Variants in CACNA2D3 observed in about 807,000 individuals in gnomAD.
The protein encoded by CACNA2D3 is voltage-dependent calcium channel subunit alpha-2/delta-3.
A neutral mutation model predicts 160.6 loss-of-function variants in CACNA2D3; 60 were observed. That is an observed-to-expected ratio of 0.37 (90% confidence interval 0.30 to 0.46). The LOEUF (loss-of-function observed/expected upper bound fraction) is 0.46. CACNA2D3 is among the 20% of genes least tolerant of loss of function. The pLI is 1.00. For missense variants in CACNA2D3, 1,205 were observed against 1,365.0 expected (o/e 0.88, Z 1.85); for synonymous variants, 558 against 492.9 (o/e 1.13, Z -1.75).
At chr3:54,928,669 CTGCTTGCTTGCT>C (rs750974664) in intron 27 of CACNA2D3, among the ~76,000 whole-genome samples, 2 of 152,104 alleles carry the variant, frequency 1.3e-5, no homozygotes, top group African/African-American at 2.4e-5. Flanking sequence ...AACTTCTCAG[CTGCTTGCTTGCT>C]TGCTTGCTTG....
chr3:54,990,626 C>A (rs1702718090), intron 31 of CACNA2D3, among the ~76,000 whole-genome samples: 1 of 152,190 alleles, frequency 6.6e-6, no homozygotes, highest in Admixed American at 6.5e-5. Flanking sequence ...GAGGAGAGCA[C>A]TACCTCCCTT....
At chr3:54,797,812 C>T (rs1234232018) in intron 13 of CACNA2D3, among the ~76,000 whole-genome samples, 1 of 152,164 alleles carries the variant, frequency 6.6e-6, no homozygotes, top group Non-Finnish European at 1.5e-5. Flanking sequence ...ATGTGATGTT[C>T]ACCTTAGAGC....
intron 3 of CACNA2D3, among the ~76,000 whole-genome samples, chr3:54,361,388 T>C (rs572170772): frequency 1.3e-5 from 2 of 152,266 alleles, no homozygotes; most frequent in South Asian, 4.2e-4. Flanking sequence ...TTGATTCTCA[T>C]TGCAAAGGAA....
chr3:54,540,866 C>T (rs1293653857), intron 5 of CACNA2D3, among the ~76,000 whole-genome samples: 1 of 152,126 alleles, frequency 6.6e-6, no homozygotes, highest in Admixed American at 6.5e-5. Context: ...AACATTCATT[C>T]CATAGCAGTA....
At chr3:54,416,783 A>G (rs1699761156) in intron 4 of CACNA2D3, among the ~76,000 whole-genome samples, 1 of 152,214 alleles carries the variant, frequency 6.6e-6, no homozygotes, top group Non-Finnish European at 1.5e-5. Flanking sequence ...TTATAAATAT[A>G]TAACTATACA....
At chr3:54,781,064 GTTAT>G (rs1402729265) in intron 13 of CACNA2D3, among the ~76,000 whole-genome samples, 1 of 152,198 alleles carries the variant, frequency 6.6e-6, no homozygotes, top group Admixed American at 6.5e-5. Flanking sequence ...TTAAACATAA[GTTAT>G]TTAAGGGTTA....
At chr3:54,980,582 A>C (rs1370400496) in intron 29 of CACNA2D3, among the ~76,000 whole-genome samples, 3 of 152,192 alleles carry the variant, frequency 2.0e-5, no homozygotes, top group African/African-American at 7.2e-5. Context: ...AACTCTTAGC[A>C]ACTTTTACTT....
chr3:54,729,798 G>T (rs1350278073), intron 11 of CACNA2D3, among the ~76,000 whole-genome samples: 1 of 152,044 alleles, frequency 6.6e-6, no homozygotes, highest in East Asian at 1.9e-4. Context: ...AGGAGATTGA[G>T]ACCATCCCGC....
chr3:54,610,428 G>C (rs1236503240), intron 9 of CACNA2D3, among the ~76,000 whole-genome samples: 1 of 148,744 alleles, frequency 6.7e-6, no homozygotes, highest in Non-Finnish European at 1.5e-5. Context: ...TGTAGCAGCA[G>C]AATCATAATG....
rs575078062 is a variant in CACNA2D3, at chr3:54,124,984, G to A, written c.204+1390G>A. Reference sequence around the variant, plus strand: ...CTGGACCAATCTGTCTCCTGCTTTGGCATTTTGCCCACTTGTCAGATGTTT... The same window carrying A: ...CTGGACCAATCTGTCTCCTGCTTTGACATTTTGCCCACTTGTCAGATGTTT... On this transcript the variant is annotated intron_variant, in intron 2 of 37. Coordinates refer to ENST00000474759, the MANE Select transcript of CACNA2D3 (RefSeq NM_018398.3). Among the ~76,000 whole-genome samples, 18 of 152,264 alleles carry A rather than the reference G, an allele frequency of 1.2e-4. No homozygotes were observed. In the South Asian group the frequency reaches 3.3e-3, roughly 28 times the overall value.
In CACNA2D3 at chr3:54,653,993, T is replaced by C. The variant is rs548565942; in HGVS notation, c.1167+11752T>C. On this transcript the variant is annotated intron_variant, in intron 11 of 37. Transcript: ENST00000474759. ...GTTACCTTAGTTCACTGTGTAATGC[T>C]TAGCCCCACCCAATGGGGAGCACTT... Among the ~76,000 whole-genome samples the C allele has an allele frequency of 5.3e-5, 8 of 152,316 alleles. No homozygotes were observed. The South Asian group carries it at 1.4e-3, about 28-fold the overall frequency.
intron 13 of CACNA2D3, among the ~76,000 whole-genome samples, chr3:54,796,965 A>T (rs1011977720): frequency 6.6e-6 from 1 of 152,140 alleles, no homozygotes; most frequent in South Asian, 2.1e-4. Flanking sequence ...TCTTCTGGAG[A>T]TGCTTCTCCA....
intron 25 of CACNA2D3, among the ~76,000 whole-genome samples, chr3:54,892,252 T>G (rs1198296170): frequency 6.6e-6 from 1 of 152,164 alleles, no homozygotes. Context: ...AGTGTGTGTG[T>G]GTGAGTTCAG....
intron 2 of CACNA2D3, among the ~76,000 whole-genome samples, chr3:54,169,572 A>C (rs902326171): frequency 2.6e-5 from 4 of 152,230 alleles, no homozygotes; most frequent in African/African-American, 9.6e-5. Context: ...TAAATAAATA[A>C]ATAAATAAAA....
At chr3:54,329,515 G>A (rs529182768) in intron 3 of CACNA2D3, among the ~76,000 whole-genome samples, 4 of 152,326 alleles carry the variant, frequency 2.6e-5, no homozygotes, top group Admixed American at 6.5e-5. Context: ...GGCTCCAAGC[G>A]AATGAACCTG....
intron 4 of CACNA2D3, among the ~76,000 whole-genome samples, chr3:54,461,219 A>C (rs2106842510): frequency 6.6e-6 from 1 of 152,060 alleles, no homozygotes; most frequent in African/African-American, 2.4e-5. Flanking sequence ...TTCATCAAGG[A>C]TATTGGTCTA....
intron 31 of CACNA2D3, among the ~76,000 whole-genome samples, chr3:55,000,147 C>T (rs531020137): frequency 3.3e-5 from 5 of 152,284 alleles, no homozygotes; most frequent in African/African-American, 9.6e-5. Context: ...GCATGATTCT[C>T]AGAGCTGATT....
At chr3:54,467,350 G>T (rs1422256403) in intron 4 of CACNA2D3, among the ~76,000 whole-genome samples, 1 of 152,176 alleles carries the variant, frequency 6.6e-6, no homozygotes, top group Non-Finnish European at 1.5e-5. Flanking sequence ...CATCAATGCT[G>T]CCTGAACCCA....
rs998257650 is a variant in CACNA2D3 at position 54,217,912 on chromosome 3, TAGAG to T, written c.204+94322_204+94325del. ...ACAGGTGTTAGGGAGAGAGGTGTGT[TAGAG>T]AGAAAGAGATGTGTTAGAGAGGTAG... is the stretch of plus-strand genomic sequence containing the variant. On this transcript the variant is annotated intron_variant, in intron 2 of 37. Transcript: ENST00000474759. Among the ~76,000 whole-genome samples the T allele has an allele frequency of 5.3e-5, 8 of 150,648 alleles. No individual in the cohort carries two copies. In the East Asian group the frequency reaches 9.8e-4, roughly 18 times the overall value.
Sources: allele counts gnomAD v4.1 joint callset (sites outside exome capture counted in the v4.1 genomes callset), GRCh38; gene constraint gnomAD v4.1.1; transcripts MANE v1.5; gene names NCBI Gene and HGNC (gene_info 2026-07-23, HGNC 2026-07-21).